Variants in WDR7 observed in about 807,000 individuals in gnomAD.
The protein encoded by WDR7 is WD repeat domain 7.
A neutral mutation model predicts 169.4 loss-of-function variants in WDR7; 46 were observed. The observed-to-expected ratio is 0.27, with a 90% CI of 0.21 to 0.35. WDR7 has a LOEUF of 0.35. WDR7 is among the 10% of genes least tolerant of loss of function. The pLI is 1.00. For synonymous variants in WDR7, 612 were observed against 666.8 expected (o/e 0.92, Z 1.27); for missense variants, 1,534 against 1,859.3 (o/e 0.83, Z 3.22).
intron 14 of WDR7, among the ~76,000 whole-genome samples, chr18:56,734,486 G>A (rs1408409984): frequency 7.1e-5 from 10 of 141,564 alleles, no homozygotes. Flanking sequence ...TTTCCCTTAA[G>A]AGGCAAAAAT....
Position 56,890,036 on chromosome 18 carries a change from T to C in WDR7, c.3526+9871T>C, listed in dbSNP as rs139592581. Reference sequence around the variant, plus strand: ...CATTTGTGGTTTTTGTTTTTGTTGCTGTTTTCCCTAGGAAAAGGATGCACA... The same window carrying C: ...CATTTGTGGTTTTTGTTTTTGTTGCCGTTTTCCCTAGGAAAAGGATGCACA... On this transcript the variant is annotated intron_variant, in intron 21 of 27. Coordinates refer to ENST00000254442, the MANE Select transcript of WDR7 (RefSeq NM_015285.3). 2.2e-3 allele frequency among the ~76,000 whole-genome samples: 335 copies of C among 152,330 alleles called. 1 individual carries two copies. The highest frequency in any genetic ancestry group is 7.8e-3 in the African/African-American group (326 of 41,574).
At position 56,821,827 on chromosome 18, in the gene WDR7, T is replaced by G. The variant is rs2045102946; in HGVS notation, c.3304+5683T>G. Among the ~76,000 whole-genome samples the G allele has an allele frequency of 2.0e-5, 3 of 151,220 alleles. No homozygotes were observed. In the South Asian group the frequency reaches 6.3e-4, roughly 32 times the overall value. On this transcript the variant is annotated intron_variant, in intron 20 of 27. Coordinates refer to ENST00000254442, the MANE Select transcript of WDR7 (RefSeq NM_015285.3). ...CTACACAACAGGGAGATACCCTATCTCTACAAAAAAAAAAATTAAAAGTTA... is the reference window on the plus strand; with the variant it reads ...CTACACAACAGGGAGATACCCTATCGCTACAAAAAAAAAAATTAAAAGTTA...
intron 26 of WDR7, among the ~76,000 whole-genome samples, chr18:56,994,748 A>G (rs76110265): frequency 0.011 from 1,750 of 152,284 alleles, 36 homozygotes; most frequent in African/African-American, 0.04. Context: ...GGGAAGAAAA[A>G]TCCCATTGCA....
chr18:56,970,517 A>G (rs2047469067), intron 26 of WDR7, among the ~76,000 whole-genome samples: 1 of 152,182 alleles, frequency 6.6e-6, no homozygotes, highest in South Asian at 2.1e-4. Context: ...TATTTAACAT[A>G]CTTTTTTAGA....
At chr18:56,725,516 T>C (rs555184706) in intron 13 of WDR7, among the ~76,000 whole-genome samples, 152 of 152,362 alleles carry the variant, frequency 1.0e-3, no homozygotes, top group African/African-American at 3.5e-3. Context: ...TTTTTTCTTG[T>C]AAATTTGTTG....
chr18:56,974,404 G>A (rs1470876513), intron 26 of WDR7, among the ~76,000 whole-genome samples: 2 of 100,392 alleles, frequency 2.0e-5, no homozygotes, highest in Non-Finnish European at 3.7e-5. Flanking sequence ...TCACTTTGTT[G>A]CCCAAGCTGG....
intron 1 of WDR7, among the ~76,000 whole-genome samples, chr18:56,659,193 C>T (rs77985701): frequency 3.3e-5 from 5 of 151,904 alleles, no homozygotes; most frequent in African/African-American, 9.7e-5. Context: ...GGGAAAAAAA[C>T]AATATGTTAA....
At chr18:56,857,296 G>A (rs2045735140) in intron 20 of WDR7, among the ~76,000 whole-genome samples, 2 of 152,066 alleles carry the variant, frequency 1.3e-5, no homozygotes, top group African/African-American at 2.4e-5. Flanking sequence ...GTCTCTCTGT[G>A]TCACCCAGGC....
intron 1 of WDR7, among the ~76,000 whole-genome samples, chr18:56,672,263 C>T (rs1339176548): frequency 1.3e-5 from 2 of 151,912 alleles, no homozygotes; most frequent in Admixed American, 6.6e-5. Flanking sequence ...ATTATTATTT[C>T]GTTATTTCTT....
chr18:56,994,800 G>A (rs1236297455), intron 26 of WDR7, among the ~76,000 whole-genome samples: 1 of 152,102 alleles, frequency 6.6e-6, no homozygotes, highest in Non-Finnish European at 1.5e-5. Flanking sequence ...CCCACTAATA[G>A]CATAGCTTCT....
intron 13 of WDR7, among the ~76,000 whole-genome samples, chr18:56,728,465 T>A (rs1438517424): frequency 6.6e-6 from 1 of 152,196 alleles, no homozygotes; most frequent in African/African-American, 2.4e-5. Flanking sequence ...CTGAAGTAGA[T>A]GATGCTGCCT....
At chr18:56,768,440 G>A (rs1034048562) in intron 16 of WDR7, among the ~76,000 whole-genome samples, 1 of 152,068 alleles carries the variant, frequency 6.6e-6, no homozygotes, top group African/African-American at 2.4e-5. Context: ...AATATATAGT[G>A]TTAATTGTTT....
chr18:56,912,383 A>G (rs1178332221), intron 21 of WDR7, among the ~76,000 whole-genome samples: 1 of 152,256 alleles, frequency 6.6e-6, no homozygotes, highest in African/African-American at 2.4e-5. Context: ...CATCATGATT[A>G]ATAAGTGATC....
chr18:56,662,291 A>G (rs1032456956), intron 1 of WDR7, among the ~76,000 whole-genome samples: 2 of 152,226 alleles, frequency 1.3e-5, no homozygotes, highest in Non-Finnish European at 2.9e-5. Context: ...TGCATTTGAG[A>G]GCTAGACAAA....
At chr18:56,977,318 G>A (rs2047582171) in intron 26 of WDR7, among the ~76,000 whole-genome samples, 1 of 152,240 alleles carries the variant, frequency 6.6e-6, no homozygotes, top group Non-Finnish European at 1.5e-5. Flanking sequence ...TACTTTAAAA[G>A]TTTCAGCTGT....
At chr18:56,811,306 G>A (rs1448072247) in intron 19 of WDR7, among the ~76,000 whole-genome samples, 1 of 152,092 alleles carries the variant, frequency 6.6e-6, no homozygotes, top group Non-Finnish European at 1.5e-5. Flanking sequence ...GGGTCACATG[G>A]TAACTCTATG....
intron 13 of WDR7, among the ~76,000 whole-genome samples, chr18:56,724,223 T>A (rs1455374088): frequency 6.7e-6 from 1 of 149,024 alleles, no homozygotes; most frequent in African/African-American, 2.5e-5. Context: ...TTTTTTTTTT[T>A]TTTTTGAGAC....
At chr18:56,787,978 G>A (rs145986839) in intron 19 of WDR7, among the ~76,000 whole-genome samples, 53 of 152,222 alleles carry the variant, frequency 3.5e-4, no homozygotes, top group African/African-American at 1.3e-3. Context: ...TCTTTCCCCC[G>A]CCCAAAGGCC....
chr18:57,032,116 C>G (rs1166020919), downstream of WDR7: 3 of 152,266 alleles, frequency 2.0e-5, no homozygotes, highest in Non-Finnish European at 2.9e-5. Context: ...TGAAGAAATG[C>G]CTAAATACAT....
Sources: gnomAD v4.1 joint callset for allele counts (sites outside exome capture counted in the v4.1 genomes callset) on GRCh38, gnomAD v4.1.1 for gene constraint, MANE v1.5 for transcripts, NCBI Gene and HGNC (gene_info 2026-07-23, HGNC 2026-07-21) for gene names.